Variants in CFAP47 observed in about 807,000 individuals in gnomAD.
CFAP47 encodes the protein cilia- and flagella-associated protein 47.
A neutral mutation model predicts 148.1 loss-of-function variants in CFAP47; 29 were observed. The ratio of observed to expected loss-of-function variants is 0.20; its 90% CI spans 0.15 to 0.27. The LOEUF (loss-of-function observed/expected upper bound fraction) is 0.27, where lower values mean the gene tolerates loss of function less well. CFAP47 is among the 10% of genes least tolerant of loss of function. The pLI, the probability that CFAP47 is intolerant of heterozygous loss-of-function variation, is 1.00. For synonymous variants in CFAP47, 664 were observed against 577.3 expected, an observed-to-expected ratio of 1.15 and a Z score of -2.15; for missense variants, 1,872 against 1,697.5, an observed-to-expected ratio of 1.10 and a Z score of -1.81.
intron 52 of CFAP47, among the ~76,000 whole-genome samples, chrX:36,299,578 T>A (rs189475477): frequency 8.9e-6 from 1 of 111,942 alleles, no homozygotes; most frequent in East Asian, 2.8e-4. Context: ...ATTACAGTCA[T>A]AATGTCCTAC....
intron 2 of CFAP47, among the ~76,000 whole-genome samples, chrX:35,940,297 T>G (rs1220836751): frequency 9.0e-6 from 1 of 111,416 alleles, no homozygotes; most frequent in Non-Finnish European, 1.9e-5. Context: ...CTCTTGAGTT[T>G]AATTAGATCC....
chrX:35,966,657 G>T lies in CFAP47; in HGVS notation c.1503G>T (p.Leu501Phe), dbSNP rs1300242383. Reference protein sequence around the residue: ...EIIGLVAEEDLQSLSVKSFHH... With the variant: ...EIIGLVAEEDFQSLSVKSFHH... ...TTGGTTTAGTGGCAGAAGAAGATTT[G>T]CAATCTTTGTCGGTAAAATCTTTCC... The change falls in exon 9 of 64, where the codon TTG (leucine) becomes TTT (phenylalanine). Residue 501 changes from leucine to phenylalanine, a missense_variant. By Grantham distance (22) the Leu-to-Phe change is conservative (BLOSUM62 0). Transcript: ENST00000378653. The T allele has an allele frequency of 6.0e-6, 7 of 1,175,115 alleles. No individual in the cohort carries two copies. The Middle Eastern group carries it at 7.0e-4, about 118-fold the overall frequency.
At chrX:35,928,746 T>C (rs1415477138) in intron 2 of CFAP47, among the ~76,000 whole-genome samples, 1 of 111,583 alleles carries the variant, frequency 9.0e-6, no homozygotes, top group Non-Finnish European at 1.9e-5. Flanking sequence ...TAATCCTTGA[T>C]CATAATGGTT....
At chrX:36,358,345 G>C (rs1347267449) in intron 60 of CFAP47, among the ~76,000 whole-genome samples, 3 of 111,503 alleles carry the variant, frequency 2.7e-5, no homozygotes, top group Non-Finnish European at 5.6e-5. Context: ...GACCCTTCTT[G>C]ATTTCTGTTA....
intron 37 of CFAP47, among the ~76,000 whole-genome samples, chrX:36,155,196 C>G (rs1000986241): frequency 9.0e-6 from 1 of 111,435 alleles, no homozygotes; most frequent in African/African-American, 3.3e-5. Flanking sequence ...ATAATTGTCT[C>G]TGACTTTTAT....
intron 60 of CFAP47, among the ~76,000 whole-genome samples, chrX:36,360,808 A>G (rs782640615): frequency 1.8e-5 from 2 of 112,075 alleles, no homozygotes; most frequent in Non-Finnish European, 3.8e-5. Flanking sequence ...TATTGTCTGT[A>G]TACTCCAACA....
At chrX:36,173,978 G>T (rs776711132) in intron 39 of CFAP47, among the ~76,000 whole-genome samples, 3 of 110,663 alleles carry the variant, frequency 2.7e-5, no homozygotes, top group Non-Finnish European at 5.7e-5. Context: ...ATGAATCTGG[G>T]TGCACCTGTA....
At chrX:36,282,115 T>G (rs1941085255) in intron 50 of CFAP47, among the ~76,000 whole-genome samples, 1 of 111,394 alleles carries the variant, frequency 9.0e-6, no homozygotes, top group Admixed American at 9.5e-5. Context: ...TTCATGATGT[T>G]GATCTGACAT....
Position 35,967,602 on chromosome X carries a change from A to G in CFAP47, c.1601-17A>G. 3.5e-6 allele frequency: 4 copies of G among 1,151,308 alleles called. No homozygotes were observed. The highest frequency in any genetic ancestry group is 4.7e-6 in the Non-Finnish European group (4 of 843,110). The allele number at this position is 1,151,308 out of a possible 1,213,427, so 94.9% of individuals were successfully genotyped here. A position where few individuals can be genotyped will look rare whatever the true frequency, so the allele number is the denominator to read the frequency against. Reference sequence around the variant, plus strand: ...TTAAAAATACCATCTATAAACTTATATTCAATTCTATAAAAGGTATATTGC... The same window carrying G: ...TTAAAAATACCATCTATAAACTTATGTTCAATTCTATAAAAGGTATATTGC... On this transcript the variant is annotated splice_polypyrimidine_tract_variant and intron_variant, in intron 9 of 63. Coordinates refer to ENST00000378653, the MANE Select transcript of CFAP47 (RefSeq NM_001304548.2).
In CFAP47 at chrX:36,143,494, G is replaced by T. The variant is rs150245054; in HGVS notation, c.5536-1725G>T. On this transcript the variant is annotated intron_variant, in intron 35 of 63. Coordinates refer to ENST00000378653, the MANE Select transcript of CFAP47 (RefSeq NM_001304548.2). The stretch of plus-strand genomic sequence containing the variant: ...TGCTAACTTGAATATGTGCCATTAA[G>T]TCATAGCAGACCTTCATTTCCATTT... Among the ~76,000 whole-genome samples the T allele has an allele frequency of 6.9e-3, 775 of 111,824 alleles. 4 individuals are homozygous for T. The highest frequency in any genetic ancestry group is 0.023 in the Middle Eastern group (5 of 218).
At chrX:35,952,018 C>G (rs1936174084) in intron 6 of CFAP47, 55 bp downstream of exon 6, 1 of 1,085,868 alleles carries the variant, frequency 9.2e-7, no homozygotes, top group Non-Finnish European at 1.2e-6. Context: ...AGTATATTAA[C>G]CACACTTTAA....
At chrX:36,167,268 C>T (rs138685538) in intron 39 of CFAP47, among the ~76,000 whole-genome samples, 35 of 111,249 alleles carry the variant, frequency 3.1e-4, no homozygotes, top group East Asian at 3.1e-3. Flanking sequence ...CTTTGGGAAG[C>T]GATTAGGAGC....
chrX:36,195,062 C>T (rs1939905486), intron 42 of CFAP47, among the ~76,000 whole-genome samples: 1 of 112,942 alleles, frequency 8.9e-6, no homozygotes, highest in African/African-American at 3.2e-5. Context: ...TGTGATGGGA[C>T]ATCCTTGTCC....
At chrX:35,934,774 G>A (rs1481733825) in intron 2 of CFAP47, among the ~76,000 whole-genome samples, 1 of 110,698 alleles carries the variant, frequency 9.0e-6, no homozygotes, top group African/African-American at 3.3e-5. Context: ...TAGTCAGCAG[G>A]TGATGAATCT....
At chrX:36,001,745 A>T (rs946378190) in intron 21 of CFAP47, 38 bp downstream of exon 21, 6 of 284,560 alleles carry the variant, frequency 2.1e-5, no homozygotes, top group Non-Finnish European at 3.7e-5. Flanking sequence ...TACTGCAGTT[A>T]TGGGTATTCC....
intron 30 of CFAP47, among the ~76,000 whole-genome samples, chrX:36,097,570 C>T (rs1938299573): frequency 9.1e-6 from 1 of 110,367 alleles, no homozygotes. Flanking sequence ...TATGTCATAC[C>T]ACTCTCTCCT....
chrX:36,380,680 T>C (rs928282988), intron 63 of CFAP47, among the ~76,000 whole-genome samples: 3 of 112,166 alleles, frequency 2.7e-5, no homozygotes, highest in Admixed American at 9.4e-5. Context: ...CCTGACCTCA[T>C]GATCCACCCG....
intron 29 of CFAP47, among the ~76,000 whole-genome samples, chrX:36,082,729 C>T (rs1050793442): frequency 9.0e-6 from 1 of 111,224 alleles, no homozygotes; most frequent in Non-Finnish European, 1.9e-5. Flanking sequence ...ACTATTCCAT[C>T]CCAGAGCCTC....
At chrX:36,237,543 TG>T (rs1940484724) in intron 48 of CFAP47, among the ~76,000 whole-genome samples, 1 of 111,470 alleles carries the variant, frequency 9.0e-6, no homozygotes, top group Non-Finnish European at 1.9e-5. Context: ...TTGGCCAGGC[TG>T]GTATCAAACT....
Sources: gnomAD v4.1 joint callset for allele counts (sites outside exome capture counted in the v4.1 genomes callset) on GRCh38, gnomAD v4.1.1 for gene constraint, MANE v1.5 for transcripts, NCBI Gene and HGNC (gene_info 2026-07-23, HGNC 2026-07-21) for gene names.